Variants in GALNT14 observed in about 807,000 individuals in gnomAD.
GALNT14 encodes UDP-GalNAc:polypeptide N-acetylgalactosaminyltransferase 14.
GALNT14 carries 60 observed loss-of-function variants against 77.5 expected under a neutral mutation model. That is an observed-to-expected ratio of 0.77 (90% CI 0.63 to 0.96). GALNT14 has a LOEUF of 0.96. Ranked by LOEUF, GALNT14 falls within the 40% of genes least tolerant of loss-of-function variation. The probability of loss-of-function intolerance (pLI) is 0.00; values close to 1 mark genes in which losing one functional copy is unlikely to be tolerated. For missense variants in GALNT14, 710 were observed against 731.0 expected, an observed-to-expected ratio of 0.97 and a Z score of 0.33; for synonymous variants, 280 against 281.7, an observed-to-expected ratio of 0.99 and a Z score of 0.06.
chr2:30,989,560 T>TATATATATATATATATATATATATATATA (rs1669525579), intron 2 of GALNT14, among the ~76,000 whole-genome samples: 1 of 87,104 alleles, frequency 1.1e-5, no homozygotes, highest in African/African-American at 5.4e-5. Flanking sequence ...GGTAAATACC[T>TATATATATATATATATATATATATATATA]TATATATATA....
At chr2:31,026,430 T>A (rs1672060948) in intron 1 of GALNT14, among the ~76,000 whole-genome samples, 1 of 152,180 alleles carries the variant, frequency 6.6e-6, no homozygotes, top group Admixed American at 6.5e-5. Context: ...ATGCAGAGTG[T>A]CTTGTCTTCT....
chr2:31,099,757 G>A (rs549847705), intron 1 of GALNT14, among the ~76,000 whole-genome samples: 271 of 151,790 alleles, frequency 1.8e-3, no homozygotes, highest in Admixed American at 4.1e-3. Flanking sequence ...AACTATGTGT[G>A]CATGTCTCTG....
intron 1 of GALNT14, among the ~76,000 whole-genome samples, chr2:31,013,918 TA>T (rs1366011565): frequency 6.6e-6 from 1 of 152,210 alleles, no homozygotes; most frequent in African/African-American, 2.4e-5. Flanking sequence ...TCTGACAATC[TA>T]AAAATAACGA....
At chr2:30,980,258 CT>C (rs1184136095) in intron 2 of GALNT14, among the ~76,000 whole-genome samples, 7 of 152,248 alleles carry the variant, frequency 4.6e-5, no homozygotes, top group Admixed American at 1.3e-4. Context: ...TTCTCCACCC[CT>C]GGCCCTGTTA....
chr2:30,975,146 C>T (rs1668561669), intron 2 of GALNT14, among the ~76,000 whole-genome samples: 1 of 152,144 alleles, frequency 6.6e-6, no homozygotes, highest in African/African-American at 2.4e-5. Flanking sequence ...CTAAGGGTGT[C>T]CTGGGGAATA....
At chr2:30,907,209 CG>C (rs765132827), downstream of GALNT14, among the ~76,000 whole-genome samples, 7 of 152,066 alleles carry the variant, frequency 4.6e-5, no homozygotes, top group East Asian at 9.7e-4. Context: ...TAACTAAGAT[CG>C]GAGCAGAACT....
intron 1 of GALNT14, among the ~76,000 whole-genome samples, chr2:31,072,686 G>A (rs1375661695): frequency 1.3e-5 from 2 of 152,106 alleles, no homozygotes; most frequent in South Asian, 4.1e-4. Context: ...CAGGGACAAA[G>A]TGACTTCCCT....
At chr2:30,984,386 C>T (rs77458215) in intron 2 of GALNT14, among the ~76,000 whole-genome samples, 3,579 of 152,300 alleles carry the variant, frequency 0.023, 135 homozygotes, top group African/African-American at 0.081. Context: ...GGCTTTCTTC[C>T]TACTGGCCAT....
intron 2 of GALNT14, among the ~76,000 whole-genome samples, chr2:30,970,084 T>G (rs973350423): frequency 3.9e-5 from 6 of 152,148 alleles, no homozygotes; most frequent in African/African-American, 1.4e-4. Context: ...GCTTGACAAA[T>G]AGTAACTATT....
intron 2 of GALNT14, among the ~76,000 whole-genome samples, chr2:30,967,981 C>A (rs758004218): frequency 6.6e-6 from 1 of 152,220 alleles, no homozygotes; most frequent in Non-Finnish European, 1.5e-5. Flanking sequence ...TCTTATTCAA[C>A]CTTCAAGACC....
chr2:30,958,360 A>G, intron 4 of GALNT14, 37 bp downstream of exon 4: 1 of 1,576,794 alleles, frequency 6.3e-7, no homozygotes, highest in Non-Finnish European at 8.7e-7. Context: ...GGGAACAGAC[A>G]TTCGTGTCTA....
chr2:30,978,111 C>A (rs1009169927), intron 2 of GALNT14, among the ~76,000 whole-genome samples: 2 of 152,250 alleles, frequency 1.3e-5, no homozygotes, highest in Non-Finnish European at 2.9e-5. Context: ...CCTGCCCCCA[C>A]ATTCCCTTGC....
At chr2:31,085,490 G>A (rs778117627) in intron 1 of GALNT14, among the ~76,000 whole-genome samples, 1 of 152,244 alleles carries the variant, frequency 6.6e-6, no homozygotes, top group Non-Finnish European at 1.5e-5. Flanking sequence ...AGGGCAGGAG[G>A]CACATGGAGT....
chr2:30,924,783 G>A lies in GALNT14; in HGVS notation c.1192C>T (p.Gln398Ter), dbSNP rs1665261800. 1 of 1,614,102 alleles carries A rather than the reference G, an allele frequency of 6.2e-7. No homozygotes were observed. Among genetic ancestry groups the A allele is most frequent in the Non-Finnish European group, 8.5e-7 (1 of 1,180,004 alleles). ...TTCTCCAGGTACCACTTGAAGCTCT[G>A]GCAGCGCAGATTCTTCCTCAGGTCC... ...RLDLRKNLRC[Q>*]SFKWYLENIY... The change falls in exon 12 of 15, where the codon CAG becomes TAG. Residue 398 changes from glutamine (Q) to a stop codon, truncating the protein, a stop_gained. Coordinates refer to ENST00000349752, the MANE Select transcript of GALNT14 (RefSeq NM_024572.4). LOFTEE classifies it high-confidence loss of function.
At chr2:31,007,746 G>A (rs1390093815) in intron 1 of GALNT14, among the ~76,000 whole-genome samples, 1 of 152,186 alleles carries the variant, frequency 6.6e-6, no homozygotes, top group Admixed American at 6.5e-5. Context: ...AGTACTCACT[G>A]CAAGATTCCC....
chr2:31,121,792 G>A (rs1199383968), intron 1 of GALNT14, among the ~76,000 whole-genome samples: 1 of 152,046 alleles, frequency 6.6e-6, no homozygotes, highest in East Asian at 1.9e-4. Context: ...ATGGCGTAGA[G>A]GTGCTAGGAT....
chr2:30,895,946 C>G, the GALNT14 span, among the ~76,000 whole-genome samples: 1 of 152,134 alleles, frequency 6.6e-6, no homozygotes, highest in Non-Finnish European at 1.5e-5. Context: ...GCTGATGCCA[C>G]GTCAATTGGG....
intron 1 of GALNT14, among the ~76,000 whole-genome samples, chr2:31,020,093 C>A (rs995898792): frequency 2.6e-5 from 4 of 152,142 alleles, no homozygotes; most frequent in African/African-American, 7.2e-5. Flanking sequence ...GCCATGTGGC[C>A]CCTTCTGCCA....
At chr2:30,924,097 T>G (rs1201899575) in intron 13 of GALNT14, 22 bp downstream of exon 13, 1 of 1,614,034 alleles carries the variant, frequency 6.2e-7, no homozygotes, top group Non-Finnish European at 8.5e-7. Context: ...CATGGTCCTG[T>G]ATGCCCAGCC....
Sources: gnomAD v4.1 joint callset for allele counts (sites outside exome capture counted in the v4.1 genomes callset) on GRCh38, gnomAD v4.1.1 for gene constraint, MANE v1.5 for transcripts, NCBI Gene and HGNC (gene_info 2026-07-23, HGNC 2026-07-21) for gene names.